CSMD1: variants seen among roughly 807,000 people sequenced by gnomAD.
CSMD1 encodes CUB and Sushi multiple domains 1.
CSMD1 carries 213 observed loss-of-function variants against 417.5 expected under a neutral mutation model. The ratio of observed to expected loss-of-function variants is 0.51; its 90% confidence interval spans 0.46 to 0.57. The LOEUF is 0.57. Among genes scored for constraint, CSMD1 ranks in the 20% least tolerant of loss-of-function variants. CSMD1 has a pLI of 0.00. For synonymous variants in CSMD1, 2,862 were observed against 1,736.8 expected, an observed-to-expected ratio of 1.65 and a Z score of -16.11; for missense variants, 6,923 against 4,529.7, an observed-to-expected ratio of 1.53 and a Z score of -15.17.
intron 5 of CSMD1, among the ~76,000 whole-genome samples, chr8:3,773,729 G>C (rs757538261): frequency 2.0e-5 from 3 of 152,138 alleles, no homozygotes; most frequent in Non-Finnish European, 4.4e-5. Flanking sequence ...ATGATGAGGA[G>C]GGCAAGCATG....
At chr8:3,291,891 C>G (rs1406209370) in intron 25 of CSMD1, among the ~76,000 whole-genome samples, 1 of 151,908 alleles carries the variant, frequency 6.6e-6, no homozygotes, top group South Asian at 2.1e-4. Context: ...TTTGTTCTTG[C>G]TTTTCTAGTT....
intron 3 of CSMD1, among the ~76,000 whole-genome samples, chr8:4,114,933 T>C (rs1365315682): frequency 2.6e-5 from 4 of 152,122 alleles, no homozygotes; most frequent in African/African-American, 9.7e-5. Context: ...TGAGATACAA[T>C]CTACTCCTGG....
chr8:3,022,299 T>TCCCACAGCATCCGGAATGCACCCGCAAC (rs2128971974), intron 51 of CSMD1, among the ~76,000 whole-genome samples: 1 of 124,586 alleles, frequency 8.0e-6, no homozygotes, highest in South Asian at 2.6e-4. Context: ...GCACCCGCAA[T>TCCCACAGCATCCGGAATGCACCCGCAAC]CCCACAGCAT....
At chr8:3,954,924 T>C (rs66471853) in intron 5 of CSMD1, among the ~76,000 whole-genome samples, 13,614 of 152,264 alleles carry the variant, frequency 0.089, 712 homozygotes, top group Middle Eastern at 0.18. Context: ...CTTTGTCCTT[T>C]AACACTTATG....
chr8:4,076,929 G>A (rs1407139671), intron 3 of CSMD1, among the ~76,000 whole-genome samples: 1 of 152,008 alleles, frequency 6.6e-6, no homozygotes, highest in Non-Finnish European at 1.5e-5. Context: ...ATGGATATCA[G>A]TAAAAAAATC....
intron 1 of CSMD1, among the ~76,000 whole-genome samples, chr8:4,742,885 T>C (rs1235877741): frequency 2.6e-5 from 4 of 152,294 alleles, no homozygotes; most frequent in Middle Eastern, 3.4e-3. Flanking sequence ...ATAAGAGACA[T>C]GTCTATCAGA....
intron 5 of CSMD1, among the ~76,000 whole-genome samples, chr8:3,820,540 T>C (rs1314336360): frequency 6.6e-6 from 1 of 152,142 alleles, no homozygotes; most frequent in East Asian, 1.9e-4. Context: ...ACAATGCCTT[T>C]TTCTTCCATT....
intron 23 of CSMD1, among the ~76,000 whole-genome samples, chr8:3,310,816 C>T (rs1404381767): frequency 1.2e-5 from 1 of 82,024 alleles, no homozygotes; most frequent in Non-Finnish European, 3.4e-5. Context: ...AGGAGGTATC[C>T]ACCTTAACAA....
At chr8:4,368,556 C>CT (rs1349787606) in intron 3 of CSMD1, among the ~76,000 whole-genome samples, 3 of 152,084 alleles carry the variant, frequency 2.0e-5, no homozygotes, top group African/African-American at 7.2e-5. Flanking sequence ...GGTACTAGCT[C>CT]TTTTTTGTAC....
chr8:4,256,770 A>G (rs543031256), intron 3 of CSMD1, among the ~76,000 whole-genome samples: 1 of 152,154 alleles, frequency 6.6e-6, no homozygotes, highest in South Asian at 2.1e-4. Context: ...CCCTGCTCTC[A>G]AGCAGCTTGC....
Position 3,600,293 on chromosome 8 carries a change from G to A in CSMD1, c.1098-14033C>T, listed in dbSNP as rs1379631022. On this transcript the variant is annotated intron_variant, in intron 8 of 69. Coordinates refer to ENST00000635120, the MANE Select transcript of CSMD1 (RefSeq NM_033225.6). The stretch of plus-strand genomic sequence containing the variant: ...AATTCCTCATAAAATTTAGAATTTG[G>A]TGCCAAAGGGCATTTAATGCTGTTG... Among the ~76,000 whole-genome samples the A allele has an allele frequency of 2.0e-5, 3 of 152,136 alleles. No individual in the cohort carries two copies. In the East Asian group the frequency reaches 5.8e-4, roughly 29 times the overall value.
intron 5 of CSMD1, among the ~76,000 whole-genome samples, chr8:3,944,801 T>A (rs959448486): frequency 6.6e-6 from 1 of 152,188 alleles, no homozygotes; most frequent in African/African-American, 2.4e-5. Context: ...ATTCTGTTTT[T>A]GCGTTTCTTC....
rs1341517860 is a variant in CSMD1, at chr8:3,087,141, G to A, written c.7430C>T (p.Pro2477Leu). The A allele has an allele frequency of 1.9e-6, 3 of 1,613,782 alleles. No homozygotes were observed. Among genetic ancestry groups the A allele is most frequent in the African/African-American group, 1.3e-5 (1 of 75,044 alleles). ...GGAGTCCCACTGGTACATGCCAAGT[G>A]GGTTTCGTCTACAGGTTGCATTGCT... The part of the protein sequence containing the change: ...GHSNATCRRN[P>L]LGMYQWDSLT... Residue 2477 changes from proline (P) to leucine (L), a missense_variant, in exon 49 of 70, where the codon CCA becomes CTA. Coordinates refer to ENST00000635120, the MANE Select transcript of CSMD1 (RefSeq NM_033225.6).
intron 10 of CSMD1, among the ~76,000 whole-genome samples, chr8:3,495,036 T>C (rs1796308572): frequency 6.6e-6 from 1 of 152,208 alleles, no homozygotes; most frequent in Non-Finnish European, 1.5e-5. Flanking sequence ...ACTAAAATTA[T>C]TAATATAGCC....
intron 10 of CSMD1, among the ~76,000 whole-genome samples, chr8:3,566,907 C>T (rs1018977275): frequency 1.2e-4 from 19 of 152,198 alleles, no homozygotes; most frequent in African/African-American, 4.3e-4. Flanking sequence ...CCATTTGCCT[C>T]AGCAATCCCA....
At chr8:4,085,160 T>G (rs1800354330) in intron 3 of CSMD1, among the ~76,000 whole-genome samples, 1 of 152,140 alleles carries the variant, frequency 6.6e-6, no homozygotes, top group South Asian at 2.1e-4. Context: ...GCGTCACCAT[T>G]ACAGACTCTG....
chr8:3,306,020 T>C (rs1584965978), intron 25 of CSMD1, among the ~76,000 whole-genome samples: 1 of 152,094 alleles, frequency 6.6e-6, no homozygotes, highest in East Asian at 1.9e-4. Flanking sequence ...AGAAACACCA[T>C]CCTAAGATGT....
intron 4 of CSMD1, among the ~76,000 whole-genome samples, chr8:4,001,354 C>T (rs1256473757): frequency 6.6e-6 from 1 of 152,166 alleles, no homozygotes; most frequent in African/African-American, 2.4e-5. Flanking sequence ...CACCCTGCAG[C>T]CATTAGCCCC....
At chr8:4,028,473 A>C (rs941390556) in intron 4 of CSMD1, among the ~76,000 whole-genome samples, 1 of 152,138 alleles carries the variant, frequency 6.6e-6, no homozygotes, top group Non-Finnish European at 1.5e-5. Context: ...AACACCAAGC[A>C]GATCTCATAA....
Sources: allele counts gnomAD v4.1 joint callset (sites outside exome capture counted in the v4.1 genomes callset), GRCh38; gene constraint gnomAD v4.1.1; transcripts MANE v1.5; gene names NCBI Gene and HGNC (gene_info 2026-07-23, HGNC 2026-07-21).